Variants in SLC36A4 observed in about 807,000 individuals in gnomAD.
SLC36A4 encodes the protein neutral amino acid uniporter 4.
In SLC36A4, 49 loss-of-function variants were observed where a neutral mutation model predicts 50.5. The ratio of observed to expected loss-of-function variants is 0.97; its 90% CI spans 0.77 to 1.23. SLC36A4 has a LOEUF of 1.23. Among genes scored for constraint, SLC36A4 ranks in the 50% most tolerant of loss-of-function variants. The pLI is 0.00. For missense variants in SLC36A4, 611 were observed against 608.4 expected (o/e 1.00, Z -0.05); for synonymous variants, 207 against 206.5 (o/e 1.00, Z -0.02).
intron 8 of SLC36A4, 144 bp downstream of exon 8, chr11:93,165,774 C>T: frequency 2.0e-6 from 1 of 508,132 alleles, no homozygotes. Context: ...AACTATAATT[C>T]TAATCTATCA....
At chr11:93,191,321 A>C (rs1226609161) in intron 1 of SLC36A4, among the ~76,000 whole-genome samples, 2 of 152,222 alleles carry the variant, frequency 1.3e-5, no homozygotes, top group African/African-American at 4.8e-5. Flanking sequence ...CACAAGGCTG[A>C]GTGGGGCATT....
At chr11:93,176,953 T>C (rs1861503806) in intron 6 of SLC36A4, among the ~76,000 whole-genome samples, 1 of 152,142 alleles carries the variant, frequency 6.6e-6, no homozygotes, top group Non-Finnish European at 1.5e-5. Context: ...CTCGAGGTGT[T>C]ACCTTTGTGG....
intron 3 of SLC36A4, among the ~76,000 whole-genome samples, chr11:93,183,961 G>A (rs548723099): frequency 2.2e-3 from 335 of 152,226 alleles, no homozygotes; most frequent in African/African-American, 7.9e-3. Context: ...GCCTCCCAGA[G>A]TGCTGGGATT....
At chr11:93,183,124 A>G (rs1861808505) in intron 3 of SLC36A4, among the ~76,000 whole-genome samples, 2 of 152,188 alleles carry the variant, frequency 1.3e-5, no homozygotes, top group East Asian at 3.8e-4. Context: ...CAAACCTACG[A>G]ATATGGAGTA....
intron 1 of SLC36A4, among the ~76,000 whole-genome samples, chr11:93,196,272 C>A (rs1247951902): frequency 2.0e-5 from 3 of 152,114 alleles, no homozygotes; most frequent in African/African-American, 7.2e-5. Flanking sequence ...CAGCTTTTCT[C>A]TATATACTAT....
chr11:93,194,432 G>T (rs566588573), intron 1 of SLC36A4, among the ~76,000 whole-genome samples: 69 of 152,136 alleles, frequency 4.5e-4, no homozygotes, highest in African/African-American at 1.6e-3. Context: ...TTCTGAGGTG[G>T]AAGAAATATA....
chr11:93,180,223 T>A (rs1043965080), intron 6 of SLC36A4: 2 of 985,058 alleles, frequency 2.0e-6, no homozygotes, highest in African/African-American at 1.7e-5. Flanking sequence ...GGAGGGATTT[T>A]TTATTTCATT....
intron 3 of SLC36A4, 69 bp from the exon 4 acceptor site, chr11:93,182,963 T>C (rs1465790415): frequency 1.8e-6 from 2 of 1,100,216 alleles, no homozygotes; most frequent in Non-Finnish European, 2.7e-6. Context: ...AAGCAATGAA[T>C]CAATGGATTA....
chr11:93,153,427 C>G (rs547711350), intron 10 of SLC36A4, among the ~76,000 whole-genome samples: 1 of 152,128 alleles, frequency 6.6e-6, no homozygotes, highest in East Asian at 1.9e-4. Context: ...ATCTTCATTT[C>G]ACAGTTGAGG....
At chr11:93,181,569 A>G (rs1861733921) in intron 5 of SLC36A4, 122 bp downstream of exon 5, 2 of 675,534 alleles carry the variant, frequency 3.0e-6, no homozygotes, top group South Asian at 5.2e-5. Context: ...TTTAACTCTA[A>G]GGGTTACATA....
intron 6 of SLC36A4, among the ~76,000 whole-genome samples, chr11:93,174,430 A>G (rs1474952312): frequency 6.7e-6 from 1 of 148,378 alleles, no homozygotes; most frequent in Non-Finnish European, 1.5e-5. Context: ...CTAATTGAAT[A>G]CCCTTTATTT....
Position 93,197,861 on chromosome 11 carries a change from C to T in SLC36A4, c.-29G>A. On this transcript the variant is annotated 5_prime_UTR_variant, in exon 1 of 11. Transcript: ENST00000326402. ...TCGCGGGTCTCCAGGACGCCGCCGC[C>T]CGAGTGCTCACTCTCCCGCCGCTGC... 6.5e-7 allele frequency: 1 copy of T among 1,532,582 alleles called. No homozygotes were observed. The highest frequency in any genetic ancestry group is 8.7e-7 in the Non-Finnish European group (1 of 1,146,768). The allele number at this position is 1,532,582 out of a possible 1,614,324, so 94.9% of individuals were successfully genotyped here. A position where few individuals can be genotyped will look rare whatever the true frequency, so the allele number is the denominator to read the frequency against.
At chr11:93,166,799 T>C (rs1203725346) in intron 7 of SLC36A4, 1 of 152,204 alleles carries the variant, frequency 6.6e-6, no homozygotes, top group East Asian at 1.9e-4. Context: ...GTGAAAGCTC[T>C]AGGATAATTT....
At chr11:93,197,119 A>C (rs1201079938) in intron 1 of SLC36A4, 2 of 152,256 alleles carry the variant, frequency 1.3e-5, no homozygotes, top group Non-Finnish European at 2.9e-5. Context: ...TTTAATCAGC[A>C]TCGAATGAAA....
In SLC36A4 at chr11:93,166,013, T is replaced by A; in HGVS notation, c.772A>T (p.Met258Leu). The part of the protein sequence containing the change: ...VIIYQYVVRN[M>L]PDPHNLPIVA... ...ATTGGAAGGTTGTGGGGATCTGGCA[T>A]GTTCTAAAGAAAGGAAGAAAAAAAG... Residue 258 changes from methionine (M) to leucine (L), a missense_variant, in exon 8 of 11, where the codon ATG becomes TTG. Physicochemically the swap from Met to Leu is conservative, Grantham distance 15 (BLOSUM62 2). Coordinates refer to ENST00000326402, the MANE Select transcript of SLC36A4 (RefSeq NM_152313.4). The A allele has an allele frequency of 6.3e-7, 1 of 1,596,172 alleles. No homozygotes were observed. The highest frequency in any genetic ancestry group is 8.5e-7 in the Non-Finnish European group (1 of 1,172,232).
chr11:93,178,667 A>T (rs1254276098), intron 6 of SLC36A4, among the ~76,000 whole-genome samples: 6 of 152,178 alleles, frequency 3.9e-5, no homozygotes, highest in African/African-American at 9.7e-5. Flanking sequence ...AACTTTGCTG[A>T]ATTATTTTAT....
chr11:93,150,046 G>A (rs185857911), intron 10 of SLC36A4, among the ~76,000 whole-genome samples: 14 of 152,084 alleles, frequency 9.2e-5, no homozygotes, highest in African/African-American at 4.8e-5. Flanking sequence ...CTGGTCTGGC[G>A]CTTTCTTGAT....
intron 6 of SLC36A4, among the ~76,000 whole-genome samples, chr11:93,168,777 C>G (rs56144407): frequency 1.1e-3 from 164 of 152,076 alleles, no homozygotes; most frequent in African/African-American, 3.8e-3. Flanking sequence ...TAAATTTTTG[C>G]TAGAGCAAAA....
intron 2 of SLC36A4, 31 bp from the exon 3 acceptor site, chr11:93,184,551 T>C (rs921532037): frequency 1.6e-6 from 2 of 1,273,870 alleles, no homozygotes; most frequent in African/African-American, 3.0e-5. Context: ...GACTTAAATA[T>C]TTTAGAACAA....
Sources: allele counts gnomAD v4.1 joint callset (sites outside exome capture counted in the v4.1 genomes callset), GRCh38; gene constraint gnomAD v4.1.1; transcripts MANE v1.5; gene names NCBI Gene and HGNC (gene_info 2026-07-23, HGNC 2026-07-21).